NAV2: variants seen among roughly 807,000 people sequenced by gnomAD.
NAV2 encodes helicase, APC down-regulated 1.
In NAV2, 54 loss-of-function variants were observed where a neutral mutation model predicts 223.2. The observed-to-expected ratio is 0.24, with a 90% CI of 0.19 to 0.30. The LOEUF (loss-of-function observed/expected upper bound fraction) is 0.30. Among genes scored for constraint, NAV2 ranks in the 10% least tolerant of loss-of-function variants. The pLI, the probability that NAV2 is intolerant of heterozygous loss-of-function variation, is 1.00. For synonymous variants in NAV2, 1,279 were observed against 1,239.3 expected (o/e 1.03, Z -0.67); for missense variants, 2,806 against 3,147.5 (o/e 0.89, Z 2.60).
At chr11:19,407,764 G>T (rs574451130) in intron 1 of NAV2, among the ~76,000 whole-genome samples, 1 of 146,774 alleles carries the variant, frequency 6.8e-6, no homozygotes, top group South Asian at 2.2e-4. Flanking sequence ...TTCCACACTC[G>T]GCATTTTGTG....
chr11:19,364,207 T>A (rs1474264498), intron 1 of NAV2, among the ~76,000 whole-genome samples: 1 of 152,226 alleles, frequency 6.6e-6, no homozygotes, highest in Non-Finnish European at 1.5e-5. Context: ...ATGCTTGTTA[T>A]GAATAACAAA....
At chr11:19,736,909 GC>G (rs2052361335) in intron 1 of NAV2, among the ~76,000 whole-genome samples, 1 of 152,210 alleles carries the variant, frequency 6.6e-6, no homozygotes, top group South Asian at 2.1e-4. Flanking sequence ...TTTCTGAGGG[GC>G]CCCTACCAGG....
chr11:19,369,206 ACTTAACAG>A (rs1848389763), intron 1 of NAV2, among the ~76,000 whole-genome samples: 2 of 152,196 alleles, frequency 1.3e-5, no homozygotes, highest in South Asian at 4.1e-4. Flanking sequence ...TTTTGAGCAA[ACTTAACAG>A]ATGCCCGGAT....
intron 11 of NAV2, among the ~76,000 whole-genome samples, chr11:20,032,591 C>G (rs981135103): frequency 1.3e-5 from 2 of 152,140 alleles, no homozygotes; most frequent in African/African-American, 2.4e-5. Flanking sequence ...ATTCCTAACC[C>G]CAAAGAGCAG....
At chr11:19,859,748 G>C in intron 3 of NAV2, among the ~76,000 whole-genome samples, 1 of 151,180 alleles carries the variant, frequency 6.6e-6, no homozygotes. Context: ...CTCCCGGACC[G>C]GGCGGCTGGC....
At chr11:19,725,404 C>G (rs1222184278) in intron 1 of NAV2, among the ~76,000 whole-genome samples, 1 of 152,186 alleles carries the variant, frequency 6.6e-6, no homozygotes, top group Non-Finnish European at 1.5e-5. Context: ...AAAGGGAAAG[C>G]AACTTGTTTA....
In NAV2 at chr11:19,968,838, G is replaced by A. The variant is rs144788652; in HGVS notation, c.2646-15287G>A. Among the ~76,000 whole-genome samples, 19 of 152,202 alleles carry A rather than the reference G, an allele frequency of 1.2e-4. No homozygotes were observed. In the East Asian group the frequency reaches 1.7e-3, roughly 14 times the overall value. On this transcript the variant is annotated intron_variant, in intron 10 of 37. Coordinates refer to ENST00000349880, the MANE Select transcript of NAV2 (RefSeq NM_145117.5). ...TCTGGAGGTCATTGGCCTGTGTTTC[G>A]GCGACTTCTCAGCCTGTCTTTCCCC...
intron 35 of NAV2, 129 bp from the exon 36 acceptor site, chr11:20,107,535 G>A: frequency 1.4e-6 from 1 of 713,568 alleles, no homozygotes; most frequent in South Asian, 1.7e-5. Flanking sequence ...CTGCGTTCAG[G>A]CCTCAGCCCT....
rs558553682 is a variant in NAV2 at position 19,771,176 on chromosome 11, A to G, written c.267+57214A>G. ...GAGTACACAAAGATGAATAAGATAGAGTATCTGTTCCTAAGCAACTTATAA... is the reference window on the plus strand; with the variant it reads ...GAGTACACAAAGATGAATAAGATAGGGTATCTGTTCCTAAGCAACTTATAA... On this transcript the variant is annotated intron_variant, in intron 1 of 37. Coordinates refer to ENST00000349880, the MANE Select transcript of NAV2 (RefSeq NM_145117.5). Among the ~76,000 whole-genome samples, 5 of 152,292 alleles carry G rather than the reference A, an allele frequency of 3.3e-5. No homozygotes were observed. In the South Asian group the frequency reaches 1.0e-3, roughly 32 times the overall value.
At chr11:19,735,300 G>A (rs1037437626) in intron 1 of NAV2, among the ~76,000 whole-genome samples, 1 of 152,140 alleles carries the variant, frequency 6.6e-6, no homozygotes. Context: ...ACGCTCCCTG[G>A]CTCTCTCTGC....
intron 1 of NAV2, among the ~76,000 whole-genome samples, chr11:19,705,077 C>T (rs2049622607): frequency 8.3e-6 from 1 of 120,776 alleles, no homozygotes; most frequent in East Asian, 2.3e-4. Flanking sequence ...TTAACTAGAC[C>T]TCAATTCGTA....
chr11:19,824,339 G>A (rs2059542298), intron 1 of NAV2, among the ~76,000 whole-genome samples: 1 of 152,210 alleles, frequency 6.6e-6, no homozygotes, highest in Admixed American at 6.5e-5. Flanking sequence ...TTTTGTGGTT[G>A]CAGAAAGCCC....
At chr11:19,922,493 C>G (rs2044364351) in intron 6 of NAV2, among the ~76,000 whole-genome samples, 1 of 152,134 alleles carries the variant, frequency 6.6e-6, no homozygotes, top group Non-Finnish European at 1.5e-5. Context: ...TTAACACCTG[C>G]TTTTTGAACT....
intron 1 of NAV2, among the ~76,000 whole-genome samples, chr11:19,744,457 A>G (rs866921583): frequency 6.6e-6 from 1 of 152,236 alleles, no homozygotes; most frequent in Admixed American, 6.5e-5. Context: ...GAGTTAGGGA[A>G]CATGGCTGAG....
chr11:20,116,920 C>T (rs2249875), intron 37 of NAV2, among the ~76,000 whole-genome samples: 23,443 of 152,194 alleles, frequency 0.15, 2,362 homozygotes, highest in East Asian at 0.38. Context: ...ACTGTGGACA[C>T]ACTGGGAGTG....
At chr11:19,907,770 T>A (rs1415111875) in intron 6 of NAV2, among the ~76,000 whole-genome samples, 1 of 152,236 alleles carries the variant, frequency 6.6e-6, no homozygotes, top group African/African-American at 2.4e-5. Context: ...AGGTGAAGGA[T>A]CAAAGGTCTT....
At chr11:20,022,425 C>T (rs903165637) in intron 11 of NAV2, 3 of 360,980 alleles carry the variant, frequency 8.3e-6, no homozygotes, top group Non-Finnish European at 1.2e-5. Context: ...AAGTAGCCTG[C>T]GGAATTAATG....
At position 20,049,827 on chromosome 11, in the gene NAV2, G is replaced by A. The variant is rs1277906636; in HGVS notation, c.4371-9G>A. 6.2e-7 allele frequency: 1 copy of A among 1,613,722 alleles called. No homozygotes were observed. Among genetic ancestry groups the A allele is most frequent in the African/African-American group, 1.3e-5 (1 of 74,866 alleles). ...CCTTCTCTTGTTTTCTACCTGCCTG[G>A]ACTTCTAGCCCTCTCTCTTCCCCTG... On this transcript the variant is annotated splice_polypyrimidine_tract_variant and intron_variant, in intron 15 of 37. Coordinates refer to ENST00000349880, the MANE Select transcript of NAV2 (RefSeq NM_145117.5).
intron 25 of NAV2, among the ~76,000 whole-genome samples, chr11:20,080,866 T>C (rs2060048718): frequency 6.6e-6 from 1 of 152,222 alleles, no homozygotes; most frequent in Non-Finnish European, 1.5e-5. Context: ...GAGTGGTTTT[T>C]TCCACTCTCC....
Sources: gnomAD v4.1 joint callset for allele counts (sites outside exome capture counted in the v4.1 genomes callset) on GRCh38, gnomAD v4.1.1 for gene constraint, MANE v1.5 for transcripts, NCBI Gene and HGNC (gene_info 2026-07-23, HGNC 2026-07-21) for gene names.